Variants in RABGAP1L observed in about 807,000 individuals in gnomAD.
The protein encoded by RABGAP1L is RAB GTPase activating protein 1 like, also known as rab GTPase-activating protein 1-like.
A neutral mutation model predicts 137.7 loss-of-function variants in RABGAP1L; 63 were observed. The ratio of observed to expected loss-of-function variants is 0.46; its 90% CI spans 0.37 to 0.56. The LOEUF is 0.56. RABGAP1L is among the 20% of genes least tolerant of loss of function. The probability of loss-of-function intolerance (pLI) is 0.00; values close to 1 mark genes in which losing one functional copy is unlikely to be tolerated. For synonymous variants in RABGAP1L, 431 were observed against 433.7 expected (o/e 0.99, Z 0.08); for missense variants, 1,095 against 1,244.0 (o/e 0.88, Z 1.80).
At chr1:174,657,920 G>A (rs1346284489) in intron 14 of RABGAP1L, among the ~76,000 whole-genome samples, 1 of 152,134 alleles carries the variant, frequency 6.6e-6, no homozygotes, top group East Asian at 1.9e-4. Context: ...CAGGAAAAAG[G>A]CTTTTCATAT....
intron 11 of RABGAP1L, among the ~76,000 whole-genome samples, chr1:174,361,101 G>A (rs575383354): frequency 6.6e-6 from 1 of 152,306 alleles, no homozygotes; most frequent in Non-Finnish European, 1.5e-5. Context: ...AGCTTGCAGT[G>A]AGCCGAGATG....
At chr1:174,606,177 T>C (rs1670778632) in intron 13 of RABGAP1L, among the ~76,000 whole-genome samples, 1 of 152,240 alleles carries the variant, frequency 6.6e-6, no homozygotes, top group African/African-American at 2.4e-5. Context: ...ACTCCTCATA[T>C]AGTATCTACT....
At chr1:174,837,366 G>T (rs1281252996) in intron 19 of RABGAP1L, among the ~76,000 whole-genome samples, 1 of 152,176 alleles carries the variant, frequency 6.6e-6, no homozygotes, top group Non-Finnish European at 1.5e-5. Context: ...GATGTTTATT[G>T]TGTAAGGATC....
intron 19 of RABGAP1L, among the ~76,000 whole-genome samples, chr1:174,822,225 C>T (rs1691105032): frequency 6.6e-6 from 1 of 152,216 alleles, no homozygotes; most frequent in Non-Finnish European, 1.5e-5. Flanking sequence ...TGCACCGCTG[C>T]ACTGCAAGCC....
At chr1:174,766,361 T>G (rs1010046726) in intron 18 of RABGAP1L, among the ~76,000 whole-genome samples, 1 of 152,230 alleles carries the variant, frequency 6.6e-6, no homozygotes, top group African/African-American at 2.4e-5. Flanking sequence ...GAAAAGACTC[T>G]TCTTTCTCCT....
intron 1 of RABGAP1L, among the ~76,000 whole-genome samples, chr1:174,215,717 T>C (rs1428263588): frequency 6.6e-6 from 1 of 152,130 alleles, no homozygotes; most frequent in Non-Finnish European, 1.5e-5. Context: ...TGGTACACTG[T>C]TGGTGGGAGT....
intron 13 of RABGAP1L, among the ~76,000 whole-genome samples, chr1:174,636,262 T>C (rs1674019932): frequency 6.6e-6 from 1 of 152,184 alleles, no homozygotes; most frequent in Non-Finnish European, 1.5e-5. Flanking sequence ...TTCACACCTG[T>C]AATCCCAGCA....
chr1:174,413,603 G>A (rs988510134), intron 13 of RABGAP1L, among the ~76,000 whole-genome samples: 3 of 151,940 alleles, frequency 2.0e-5, no homozygotes, highest in Non-Finnish European at 2.9e-5. Context: ...TTATTTTCTC[G>A]CAGGTATGAT....
intron 11 of RABGAP1L, among the ~76,000 whole-genome samples, chr1:174,350,496 TG>T (rs1683048397): frequency 7.7e-6 from 1 of 129,208 alleles, no homozygotes; most frequent in Non-Finnish European, 1.6e-5. Flanking sequence ...GACGATGGGC[TG>T]CCGGGCAGAG....
chr1:174,736,148 G>C (rs1373576629), intron 17 of RABGAP1L, among the ~76,000 whole-genome samples: 1 of 152,162 alleles, frequency 6.6e-6, no homozygotes, highest in Non-Finnish European at 1.5e-5. Context: ...AGCCTCATCT[G>C]GAGATGAGAT....
chr1:174,708,876 T>G (rs1337801334), intron 17 of RABGAP1L, among the ~76,000 whole-genome samples: 1 of 152,172 alleles, frequency 6.6e-6, no homozygotes, highest in East Asian at 1.9e-4. Flanking sequence ...GTGGTCTGTC[T>G]CAGCAGAACC....
At chr1:174,240,108 T>A (rs1671666583) in intron 4 of RABGAP1L, among the ~76,000 whole-genome samples, 1 of 152,242 alleles carries the variant, frequency 6.6e-6, no homozygotes, top group South Asian at 2.1e-4. Context: ...GACAGAGATT[T>A]AGTGTTTTGA....
chr1:174,752,506 C>A (rs1684417702), intron 18 of RABGAP1L, 152 bp downstream of exon 18: 1 of 534,464 alleles, frequency 1.9e-6, no homozygotes, highest in East Asian at 3.3e-5. Flanking sequence ...CCTCTTCCCT[C>A]CTCTCATCTT....
At chr1:174,478,994 G>T (rs1042990110) in intron 13 of RABGAP1L, among the ~76,000 whole-genome samples, 1 of 152,218 alleles carries the variant, frequency 6.6e-6, no homozygotes, top group African/African-American at 2.4e-5. Flanking sequence ...TCACATGTTT[G>T]CCACAATATC....
At chr1:174,873,796 A>G (rs1300536704) in intron 19 of RABGAP1L, among the ~76,000 whole-genome samples, 2 of 152,180 alleles carry the variant, frequency 1.3e-5, no homozygotes, top group Non-Finnish European at 2.9e-5. Context: ...GGTGTGAGCC[A>G]CTGCGCCCGG....
intron 21 of RABGAP1L, among the ~76,000 whole-genome samples, chr1:174,974,928 C>T (rs1465793156): frequency 1.3e-5 from 2 of 152,250 alleles, no homozygotes; most frequent in East Asian, 1.9e-4. Flanking sequence ...CAGAAGGCCA[C>T]CTGGCCAGTT....
intron 14 of RABGAP1L, among the ~76,000 whole-genome samples, chr1:174,664,755 T>TTTTTTTTTTTG (rs1676652947): frequency 7.4e-6 from 1 of 134,562 alleles, no homozygotes. Context: ...TTTTTTTTTT[T>TTTTTTTTTTTG]GACAGAGTTT....
intron 12 of RABGAP1L, among the ~76,000 whole-genome samples, chr1:174,392,037 C>G (rs1470726559): frequency 6.6e-6 from 1 of 152,098 alleles, no homozygotes; most frequent in African/African-American, 2.4e-5. Context: ...AGGTGGAAGT[C>G]TTCTGAAGAA....
intron 7 of RABGAP1L, among the ~76,000 whole-genome samples, chr1:174,270,869 G>C (rs1674505776): frequency 1.3e-5 from 2 of 152,104 alleles, no homozygotes; most frequent in South Asian, 4.1e-4. Context: ...CTGAAGCAAA[G>C]TATGTAGGGA....
Sources: allele counts gnomAD v4.1 joint callset (sites outside exome capture counted in the v4.1 genomes callset), GRCh38; gene constraint gnomAD v4.1.1; transcripts MANE v1.5; gene names NCBI Gene and HGNC (gene_info 2026-07-23, HGNC 2026-07-21).